The following DDO variants were observed in gnomAD, a reference collection of about 807,000 sequenced individuals.
DDO encodes the protein D-aspartate oxidase, DDO.
Under a neutral mutation model 16.8 loss-of-function variants are expected in DDO, and 16 were observed. The observed-to-expected ratio is 0.95, with a 90% CI of 0.65 to 1.45. The LOEUF is 1.45. Among genes scored for constraint, DDO ranks in the 40% most tolerant of loss-of-function variants. The probability of loss-of-function intolerance (pLI) is 0.00; values close to 1 mark genes in which losing one functional copy is unlikely to be tolerated. For missense variants in DDO, 429 were observed against 420.3 expected (o/e 1.02, Z -0.18); for synonymous variants, 180 against 167.2 (o/e 1.08, Z -0.59).
chr6:110,404,677 G>T, intron 4 of DDO, 97 bp downstream of exon 4: 2 of 1,345,194 alleles, frequency 1.5e-6, no homozygotes, highest in Non-Finnish European at 2.1e-6. Flanking sequence ...GAGCTCTGAG[G>T]GATGCCAGAG....
intron 4 of DDO, among the ~76,000 whole-genome samples, chr6:110,404,300 T>C (rs997269507): frequency 6.6e-6 from 1 of 152,164 alleles, no homozygotes; most frequent in Non-Finnish European, 1.5e-5. Flanking sequence ...AGAGTTCTTA[T>C]TTAAGACAAA....
At position 110,407,121 on chromosome 6, in the gene DDO, ATAG is replaced by A. The variant is rs202199762; in HGVS notation, c.281+1210_281+1212del. On this transcript the variant is annotated intron_variant, in intron 3 of 4. Transcript: ENST00000368924. The stretch of plus-strand genomic sequence containing the variant: ...TGAATATGTTGTTTTGAAGGAATAA[ATAG>A]ATGAGTAAGGCTATATACTTACGCC... Among the ~76,000 whole-genome samples the A allele has an allele frequency of 8.5e-3, 1,293 of 152,350 alleles. 13 individuals are homozygous for A. Among genetic ancestry groups the A allele is most frequent in the African/African-American group, 0.03 (1,232 of 41,562 alleles).
intron 4 of DDO, among the ~76,000 whole-genome samples, chr6:110,398,418 ACAC>A (rs1562260045): frequency 2.4e-4 from 33 of 135,650 alleles, no homozygotes; most frequent in African/African-American, 1.2e-3. Context: ...ACACACACAC[ACAC>A]ACACACTTGG....
At chr6:110,411,996 G>A (rs1343587060) in intron 2 of DDO, among the ~76,000 whole-genome samples, 1 of 152,184 alleles carries the variant, frequency 6.6e-6, no homozygotes, top group Non-Finnish European at 1.5e-5. Context: ...GATTACAGGT[G>A]TGAGCCACCA....
At chr6:110,406,974 G>C (rs1040926982) in intron 3 of DDO, among the ~76,000 whole-genome samples, 1 of 152,192 alleles carries the variant, frequency 6.6e-6, no homozygotes, top group African/African-American at 2.4e-5. Context: ...ATAAGGGCAG[G>C]ACTGTGTCTT....
chr6:110,403,882 A>C (rs1274744184), intron 4 of DDO, among the ~76,000 whole-genome samples: 2 of 152,258 alleles, frequency 1.3e-5, no homozygotes, highest in African/African-American at 4.8e-5. Context: ...GCATAATGCC[A>C]GATATATATA....
downstream of DDO, among the ~76,000 whole-genome samples, chr6:110,390,445 A>G (rs1163252152): frequency 6.6e-6 from 1 of 152,248 alleles, no homozygotes; most frequent in Non-Finnish European, 1.5e-5. Context: ...TGTTTCAGAG[A>G]CACTGGGAAC....
intron 2 of DDO, among the ~76,000 whole-genome samples, chr6:110,411,069 C>G (rs796965414): frequency 3.1e-4 from 47 of 152,216 alleles, no homozygotes; most frequent in African/African-American, 1.1e-3. Context: ...CAGCCTCTTC[C>G]CCTGTCACCT....
rs374639603 is a variant in DDO, at chr6:110,408,403, G to T, written c.212C>A (p.Thr71Asn). 1 of 1,614,166 alleles carries T rather than the reference G, an allele frequency of 6.2e-7. No homozygotes were observed. Among genetic ancestry groups the T allele is most frequent in the East Asian group, 2.2e-5 (1 of 44,882 alleles). ...IHTQKQWFRETFNHLFAIANS... is the reference protein window; with the variant it reads ...IHTQKQWFRENFNHLFAIANS... ...GGCAATTGCAAAGAGGTGATTAAAG[G>T]TTTCTCTGAACCACTGCTTCTGCGT... The change falls in exon 3 of 5, where the codon ACC becomes AAC. Residue 71 changes from threonine to asparagine, a missense_variant. Physicochemically the swap from Thr to Asn is moderately conservative, Grantham distance 65. Coordinates refer to ENST00000368924, the MANE Select transcript of DDO (RefSeq NM_001372108.2).
At chr6:110,397,594 G>A (rs1317492539) in intron 4 of DDO, among the ~76,000 whole-genome samples, 1 of 152,180 alleles carries the variant, frequency 6.6e-6, no homozygotes, top group East Asian at 1.9e-4. Context: ...CTAACTTATA[G>A]GGTTTTTATG....
At chr6:110,393,424 A>C (rs1157817564) in intron 4 of DDO, 82 bp from the exon 5 acceptor site, 18 of 1,485,868 alleles carry the variant, frequency 1.2e-5, no homozygotes, top group Non-Finnish European at 5.3e-6. Flanking sequence ...GGAACCCAGG[A>C]ACAAAAATTA....
intron 3 of DDO, among the ~76,000 whole-genome samples, chr6:110,407,122 T>C (rs1304429505): frequency 1.3e-5 from 2 of 149,602 alleles, no homozygotes; most frequent in African/African-American, 5.1e-5. Flanking sequence ...AAGGAATAAA[T>C]AGATGAGTAA....
At chr6:110,415,437 C>T (rs375633882) in intron 1 of DDO, 30 bp downstream of exon 1, 1 of 1,613,064 alleles carries the variant, frequency 6.2e-7, no homozygotes, top group African/African-American at 1.3e-5. Flanking sequence ...GACGGAACGA[C>T]CCCTCAGCTG....
chr6:110,394,684 T>C (rs1773233746), intron 4 of DDO, among the ~76,000 whole-genome samples: 1 of 152,162 alleles, frequency 6.6e-6, no homozygotes, highest in Admixed American at 6.5e-5. Context: ...GGAGAAGTGG[T>C]GTGAAATCAG....
intron 1 of DDO, among the ~76,000 whole-genome samples, chr6:110,414,328 G>C (rs1383916049): frequency 6.6e-6 from 1 of 152,246 alleles, no homozygotes; most frequent in African/African-American, 2.4e-5. Flanking sequence ...GTCCTGGACA[G>C]GTTCTGTAAC....
At chr6:110,393,522 A>G (rs543245927) in intron 4 of DDO, among the ~76,000 whole-genome samples, 180 bp from the exon 5 acceptor site, 5 of 152,230 alleles carry the variant, frequency 3.3e-5, no homozygotes, top group Non-Finnish European at 5.9e-5. Flanking sequence ...CATCCTAGGA[A>G]CTGGGGATTT....
chr6:110,399,889 C>T (rs1268645951), intron 4 of DDO, among the ~76,000 whole-genome samples: 1 of 152,218 alleles, frequency 6.6e-6, no homozygotes, highest in East Asian at 1.9e-4. Flanking sequence ...ATCAAACAAA[C>T]GGACTGAAGA....
chr6:110,396,364 T>G (rs1041050507), intron 4 of DDO, among the ~76,000 whole-genome samples: 2 of 152,244 alleles, frequency 1.3e-5, no homozygotes, highest in African/African-American at 2.4e-5. Context: ...GTTGAGGGCT[T>G]GTACTGTGCC....
At chr6:110,399,531 C>T (rs538896076) in intron 4 of DDO, among the ~76,000 whole-genome samples, 1 of 152,262 alleles carries the variant, frequency 6.6e-6, no homozygotes, top group East Asian at 1.9e-4. Flanking sequence ...CTCACCGGGA[C>T]GCGGCCCTCC....
Sources: gnomAD v4.1 joint callset for allele counts (sites outside exome capture counted in the v4.1 genomes callset) on GRCh38, gnomAD v4.1.1 for gene constraint, MANE v1.5 for transcripts, NCBI Gene and HGNC (gene_info 2026-07-23, HGNC 2026-07-21) for gene names.